USP4: variants seen among roughly 807,000 people sequenced by gnomAD.
The protein encoded by USP4 is ubiquitin specific peptidase 4.
USP4 carries 72 observed loss-of-function variants against 118.2 expected under a neutral mutation model. That is an observed-to-expected ratio of 0.61 (90% confidence interval 0.50 to 0.74). The LOEUF (loss-of-function observed/expected upper bound fraction) is 0.74. Ranked by LOEUF, USP4 falls within the 30% of genes least tolerant of loss-of-function variation. The pLI is 0.00. For synonymous variants in USP4, 415 were observed against 440.4 expected (o/e 0.94, Z 0.72); for missense variants, 1,037 against 1,185.7 (o/e 0.87, Z 1.84).
chr3:49,303,573 C>T (rs1055820309), intron 9 of USP4, among the ~76,000 whole-genome samples: 8 of 151,570 alleles, frequency 5.3e-5, no homozygotes, highest in African/African-American at 1.9e-4. Flanking sequence ...TTCAGTTCCT[C>T]GGTCAAATGA....
At chr3:49,330,665 T>C (rs1291685883) in intron 2 of USP4, among the ~76,000 whole-genome samples, 1 of 151,990 alleles carries the variant, frequency 6.6e-6, no homozygotes, top group Admixed American at 6.6e-5. Flanking sequence ...CTCAGTGCTT[T>C]TTCTGAGCAG....
At chr3:49,283,774 G>A (rs774707801) in intron 19 of USP4, among the ~76,000 whole-genome samples, 3 of 152,208 alleles carry the variant, frequency 2.0e-5, no homozygotes, top group Non-Finnish European at 4.4e-5. Flanking sequence ...AGCAGCCTGT[G>A]TCTGGGCAAA....
chr3:49,307,634 C>T (rs965003251), intron 8 of USP4, among the ~76,000 whole-genome samples: 6 of 151,884 alleles, frequency 4.0e-5, no homozygotes, highest in Non-Finnish European at 8.8e-5. Flanking sequence ...GGTTTGCTTA[C>T]CACTGAGTCC....
At chr3:49,309,487 G>A (rs970614634) in intron 8 of USP4, among the ~76,000 whole-genome samples, 3 of 151,946 alleles carry the variant, frequency 2.0e-5, no homozygotes, top group African/African-American at 7.3e-5. Flanking sequence ...CAAACTCCTG[G>A]CCTCAAGCAA....
At position 49,324,633 on chromosome 3, in the gene USP4, T is replaced by C. The variant is rs544309289; in HGVS notation, c.695+69A>G. The C allele has an allele frequency of 2.1e-6, 3 of 1,417,582 alleles. No individual in the cohort carries two copies. In the East Asian group the frequency reaches 6.8e-5, roughly 32 times the overall value. The allele number at this position is 1,417,582 out of a possible 1,614,324, so 87.8% of individuals were successfully genotyped here. ...TCAGAACAATTTTTCTTAGTACAAGTACTGCCTTAGGAAAGACTGTCTCTT... is the reference window on the plus strand; with the variant it reads ...TCAGAACAATTTTTCTTAGTACAAGCACTGCCTTAGGAAAGACTGTCTCTT... On this transcript the variant is annotated intron_variant, in intron 6 of 21. Transcript: ENST00000265560.
chr3:49,279,048 A>G (rs1259430369), intron 20 of USP4, 146 bp from the exon 21 acceptor site: 2 of 455,716 alleles, frequency 4.4e-6, no homozygotes, highest in Non-Finnish European at 7.8e-6. Context: ...TTAACAACCA[A>G]AAAACAACTC....
chr3:49,281,783 T>A (rs1003910099), intron 19 of USP4, among the ~76,000 whole-genome samples: 2 of 147,004 alleles, frequency 1.4e-5, no homozygotes, highest in East Asian at 4.0e-4. Flanking sequence ...GAGGCCAAGG[T>A]GGGTGGATCA....
chr3:49,296,129 AG>A (rs1374763013), intron 13 of USP4, among the ~76,000 whole-genome samples: 1 of 151,352 alleles, frequency 6.6e-6, no homozygotes, highest in African/African-American at 2.4e-5. Flanking sequence ...CAGGAGATCG[AG>A]ACCACCCTAA....
At chr3:49,337,641 T>G (rs781192595) in intron 1 of USP4, among the ~76,000 whole-genome samples, 1 of 151,816 alleles carries the variant, frequency 6.6e-6, no homozygotes, top group Non-Finnish European at 1.5e-5. Flanking sequence ...CTTGCTATGT[T>G]GCCCAGGCTG....
chr3:49,307,403 A>C (rs980294820), intron 8 of USP4, among the ~76,000 whole-genome samples: 33 of 151,972 alleles, frequency 2.2e-4, no homozygotes, highest in African/African-American at 7.5e-4. Flanking sequence ...GCAAGAGAGC[A>C]AGACTATGTC....
intron 19 of USP4, among the ~76,000 whole-genome samples, chr3:49,281,714 CAA>C (rs35039639): frequency 2.2e-4 from 16 of 73,694 alleles, no homozygotes; most frequent in Middle Eastern, 8.6e-3. Context: ...AACTCCGTCT[CAA>C]AAAAAAAAAA....
chr3:49,281,485 T>TACACAC (rs1381937591), intron 19 of USP4, among the ~76,000 whole-genome samples: 2 of 106,812 alleles, frequency 1.9e-5, no homozygotes, highest in African/African-American at 6.9e-5. Context: ...TGTATATATA[T>TACACAC]ATATATACAC....
At chr3:49,283,189 C>T (rs12171281) in intron 19 of USP4, among the ~76,000 whole-genome samples, 3,992 of 150,322 alleles carry the variant, frequency 0.027, 167 homozygotes, top group African/African-American at 0.084. Flanking sequence ...CTAACTTTTG[C>T]ATTTTTAGTA....
chr3:49,297,297 A>G (rs2047220244), intron 13 of USP4, among the ~76,000 whole-genome samples: 1 of 152,218 alleles, frequency 6.6e-6, no homozygotes, highest in Non-Finnish European at 1.5e-5. Context: ...ACAATTACAC[A>G]GAGCAGCCAT....
In USP4 at chr3:49,324,683, G is replaced by C. The variant is rs369869449; in HGVS notation, c.695+19C>G. The C allele has an allele frequency of 1.2e-6, 2 of 1,611,784 alleles. No homozygotes were observed. Among genetic ancestry groups the C allele is most frequent in the Admixed American group, 1.7e-5 (1 of 59,982 alleles). On this transcript the variant is annotated intron_variant, in intron 6 of 21. Coordinates refer to ENST00000265560, the MANE Select transcript of USP4 (RefSeq NM_003363.4). Reference sequence around the variant, plus strand: ...TTTGCACATGTGAGCCTACAACAAGGGAGAAAAAATTCACTTACTTTGACT... The same window carrying C: ...TTTGCACATGTGAGCCTACAACAAGCGAGAAAAAATTCACTTACTTTGACT...
intron 14 of USP4, 94 bp from the exon 15 acceptor site, chr3:49,292,692 T>C: frequency 1.2e-6 from 1 of 803,450 alleles, no homozygotes. Flanking sequence ...GTTCATAATT[T>C]ATATGGATGA....
chr3:49,296,191 T>G (rs1468632428), intron 13 of USP4, among the ~76,000 whole-genome samples: 7 of 150,008 alleles, frequency 4.7e-5, no homozygotes, highest in African/African-American at 1.7e-4. Context: ...ATTGGCCAGG[T>G]GTGGTGGCAC....
chr3:49,339,556 C>G, intron 1 of USP4, among the ~76,000 whole-genome samples: 1 of 152,196 alleles, frequency 6.6e-6, no homozygotes, highest in Non-Finnish European at 1.5e-5. Flanking sequence ...TATTGCTATC[C>G]TGGTTTTAAC....
chr3:49,316,874 C>T, intron 6 of USP4: 1 of 594,422 alleles, frequency 1.7e-6, no homozygotes, highest in East Asian at 2.8e-5. Flanking sequence ...AGAGCCCACC[C>T]TCCCCATAGC....
Sources: allele counts gnomAD v4.1 joint callset (sites outside exome capture counted in the v4.1 genomes callset), GRCh38; gene constraint gnomAD v4.1.1; transcripts MANE v1.5; gene names NCBI Gene and HGNC (gene_info 2026-07-23, HGNC 2026-07-21).